Variants in ZFHX3 observed in about 807,000 individuals in gnomAD.
ZFHX3 encodes zinc finger homeobox protein 3.
Under a neutral mutation model 279.1 loss-of-function variants are expected in ZFHX3, and 42 were observed. The observed-to-expected ratio is 0.15, with a 90% CI of 0.12 to 0.19. The LOEUF is 0.19. Ranked by LOEUF, ZFHX3 falls within the 10% of genes least tolerant of loss-of-function variation. The probability of loss-of-function intolerance (pLI) is 1.00; values close to 1 mark genes in which losing one functional copy is unlikely to be tolerated. For missense variants in ZFHX3, 4,981 were observed against 4,754.0 expected (o/e 1.05, Z -1.40); for synonymous variants, 2,293 against 1,957.8 (o/e 1.17, Z -4.52).
At position 72,794,106 on chromosome 16, in the gene ZFHX3, G is replaced by A. The variant is rs373169458; in HGVS notation, c.8576C>T (p.Thr2859Met). 1.4e-5 allele frequency: 22 copies of A among 1,614,088 alleles called. No individual in the cohort carries two copies. Among genetic ancestry groups the A allele is most frequent in the Admixed American group, 5.0e-5 (3 of 60,004 alleles). ...DEGNADNDSA[T>M]GIATETKSSS... Reference sequence around the variant, plus strand: ...GGATTTGGTTTCAGTTGCTATTCCCGTTGCACTGTCGTTATCTGCGTTGCC... The same window carrying A: ...GGATTTGGTTTCAGTTGCTATTCCCATTGCACTGTCGTTATCTGCGTTGCC... The change falls in exon 9 of 10, where the codon ACG becomes ATG. Residue 2859 changes from threonine to methionine, a missense_variant. Transcript: ENST00000268489. The surrounding 1 kb of genome is among the most constrained non-coding windows in gnomAD (Gnocchi z 4.2).
At chr16:73,397,042 T>C (rs1450901448) in intron 3 of ZFHX3, among the ~76,000 whole-genome samples, 2 of 152,212 alleles carry the variant, frequency 1.3e-5, no homozygotes, top group African/African-American at 2.4e-5. Context: ...GCGGCTCTCT[T>C]GTGAGCAAGA....
intron 1 of ZFHX3, among the ~76,000 whole-genome samples, chr16:73,755,698 G>A (rs1374624938): frequency 6.6e-6 from 1 of 152,186 alleles, no homozygotes; most frequent in East Asian, 1.9e-4. Context: ...GCAAGGAATC[G>A]AACCTCCCGT....
chr16:72,848,458 T>C (rs1357464225), intron 4 of ZFHX3, among the ~76,000 whole-genome samples: 12 of 152,260 alleles, frequency 7.9e-5, no homozygotes. Context: ...TACCTAACAA[T>C]GCAAAGGAAA....
At chr16:73,107,496 T>C (rs1340633752) in intron 7 of ZFHX3, among the ~76,000 whole-genome samples, 5 of 152,182 alleles carry the variant, frequency 3.3e-5, no homozygotes, top group African/African-American at 1.2e-4. Context: ...TTGTCACATC[T>C]GCATATGACA....
intron 3 of ZFHX3, among the ~76,000 whole-genome samples, chr16:73,409,309 C>T (rs1280004304): frequency 6.6e-6 from 1 of 152,108 alleles, no homozygotes; most frequent in Admixed American, 6.5e-5. Flanking sequence ...CTGGGTGTGG[C>T]CAAAGACAAG....
At position 72,794,455 on chromosome 16, in the gene ZFHX3, A is replaced by G. The variant is rs1405922872; in HGVS notation, c.8227T>C (p.Tyr2743His). 2 of 1,614,162 alleles carry G rather than the reference A, an allele frequency of 1.2e-6. No individual in the cohort carries two copies. Among genetic ancestry groups the G allele is most frequent in the South Asian group, 2.2e-5 (2 of 91,080 alleles). Residue 2743 changes from tyrosine to histidine, a missense_variant, in exon 9 of 10, where the codon TAC becomes CAC. By Grantham distance (83) the Tyr-to-His change is moderately conservative (BLOSUM62 2). Coordinates refer to ENST00000268489, the MANE Select transcript of ZFHX3 (RefSeq NM_006885.4). This position sits in a 1 kb window ranked among gnomAD's most constrained non-coding sequence, Gnocchi z 4.2. ...RHWHEAKRAG[Y>H]NLTLSAMLLD... ...AGCATCGCAGACAGAGTTAGGTTGT[A>G]GCCAGCTCTCTTGGCTTCATGCCAG...
At chr16:73,007,215 T>A (rs1026085595) in intron 1 of ZFHX3, among the ~76,000 whole-genome samples, 1 of 152,224 alleles carries the variant, frequency 6.6e-6, no homozygotes, top group African/African-American at 2.4e-5. Context: ...TTATCTGGCA[T>A]TTTTGCATCT....
intron 2 of ZFHX3, among the ~76,000 whole-genome samples, chr16:73,534,307 C>T (rs543074066): frequency 2.0e-5 from 3 of 152,240 alleles, no homozygotes; most frequent in African/African-American, 4.8e-5. Flanking sequence ...GCAATGCTTT[C>T]GCCTCCTTCA....
chr16:73,350,462 C>A (rs533766680), intron 3 of ZFHX3, among the ~76,000 whole-genome samples: 1 of 152,118 alleles, frequency 6.6e-6, no homozygotes, highest in Non-Finnish European at 1.5e-5. Flanking sequence ...CCCATAATTC[C>A]GGCCATACGT....
At chr16:73,458,639 T>C (rs1354193533) in intron 2 of ZFHX3, among the ~76,000 whole-genome samples, 2 of 152,156 alleles carry the variant, frequency 1.3e-5, no homozygotes, top group Non-Finnish European at 2.9e-5. Flanking sequence ...AACTGCTCTT[T>C]AGACCCCTGC....
At chr16:73,056,876 G>C (rs982189660) in intron 1 of ZFHX3, among the ~76,000 whole-genome samples, 1 of 152,122 alleles carries the variant, frequency 6.6e-6, no homozygotes, top group Non-Finnish European at 1.5e-5. Context: ...CCAAAGTAGG[G>C]AGGAAAAAAA....
intron 4 of ZFHX3, among the ~76,000 whole-genome samples, chr16:72,857,679 T>C (rs976171674): frequency 2.0e-5 from 3 of 151,546 alleles, no homozygotes; most frequent in Admixed American, 6.6e-5. Flanking sequence ...AGCAAGATCC[T>C]GTCTCTGTAA....
intron 1 of ZFHX3, among the ~76,000 whole-genome samples, chr16:73,730,599 A>C (rs915447400): frequency 1.3e-5 from 2 of 152,176 alleles, no homozygotes; most frequent in Admixed American, 1.3e-4. Flanking sequence ...GAGAGTTGGC[A>C]TCAGGCTTCT....
intron 4 of ZFHX3, among the ~76,000 whole-genome samples, chr16:72,855,980 G>C (rs1226005998): frequency 1.3e-5 from 2 of 152,246 alleles, no homozygotes; most frequent in Non-Finnish European, 2.9e-5. Flanking sequence ...AGAACACCAA[G>C]CACAGAGGTT....
chr16:73,795,611 G>A (rs1361910320), intron 1 of ZFHX3, among the ~76,000 whole-genome samples: 1 of 152,142 alleles, frequency 6.6e-6, no homozygotes, highest in East Asian at 1.9e-4. Context: ...AGGAAGAGCA[G>A]TACGACATGA....
intron 8 of ZFHX3, among the ~76,000 whole-genome samples, chr16:73,090,744 CA>C (rs1682236207): frequency 6.7e-6 from 1 of 148,246 alleles, no homozygotes; most frequent in South Asian, 2.2e-4. Context: ...AAAAACAAAA[CA>C]AAAAACATAC....
intron 4 of ZFHX3, chr16:73,318,097 G>A (rs372463228): frequency 1.3e-5 from 2 of 152,216 alleles, no homozygotes; most frequent in Admixed American, 1.3e-4. Context: ...GTAGACTTGA[G>A]TGTCTCACAT....
intron 1 of ZFHX3, among the ~76,000 whole-genome samples, chr16:73,890,254 A>C (rs376513271): frequency 0.15 from 21,622 of 145,080 alleles, 1,941 homozygotes; most frequent in Middle Eastern, 0.24. Flanking sequence ...AAAAAAAAAA[A>C]CAACAAAAAA....
intron 1 of ZFHX3, among the ~76,000 whole-genome samples, chr16:73,790,682 T>C (rs1169186145): frequency 6.6e-6 from 1 of 152,256 alleles, no homozygotes; most frequent in African/African-American, 2.4e-5. Flanking sequence ...CTGGTGATGG[T>C]TGCCAATCTT....
Sources: allele counts gnomAD v4.1 joint callset (sites outside exome capture counted in the v4.1 genomes callset), GRCh38; gene constraint gnomAD v4.1.1; non-coding constraint Gnocchi (gnomAD v3.1); transcripts MANE v1.5; gene names NCBI Gene and HGNC (gene_info 2026-07-23, HGNC 2026-07-21).